Variants in SDC4 observed in about 807,000 individuals in gnomAD.
SDC4 encodes the protein syndecan-4.
Under a neutral mutation model 20.5 loss-of-function variants are expected in SDC4, and 17 were observed. The observed-to-expected ratio is 0.83, with a 90% CI of 0.57 to 1.25. The LOEUF is 1.25. Ranked by LOEUF, SDC4 falls within the 50% of genes most tolerant of loss-of-function variation. The pLI, the probability that SDC4 is intolerant of heterozygous loss-of-function variation, is 0.00. For synonymous variants in SDC4, 107 were observed against 105.3 expected, an observed-to-expected ratio of 1.02 and a Z score of -0.10; for missense variants, 241 against 252.3, an observed-to-expected ratio of 0.96 and a Z score of 0.30.
intron 1 of SDC4, among the ~76,000 whole-genome samples, chr20:45,343,875 C>T (rs555054948): frequency 6.6e-6 from 1 of 152,310 alleles, no homozygotes; most frequent in South Asian, 2.1e-4. Flanking sequence ...TTCGCCACAC[C>T]GGTATCATGA....
chr20:45,343,659 C>T (rs1308716632), intron 1 of SDC4, among the ~76,000 whole-genome samples: 1 of 152,196 alleles, frequency 6.6e-6, no homozygotes, highest in Admixed American at 6.5e-5. Context: ...TCTCCCTTCC[C>T]ACCTCCCAGC....
intron 3 of SDC4, among the ~76,000 whole-genome samples, chr20:45,332,486 T>A (rs570985656): frequency 1.3e-5 from 2 of 152,132 alleles, no homozygotes; most frequent in Non-Finnish European, 2.9e-5. Flanking sequence ...CTATCAATGC[T>A]AGGAAATAGC....
chr20:45,326,281 G>T lies in SDC4; in HGVS notation c.*983C>A, dbSNP rs978298679. On this transcript the variant is annotated 3_prime_UTR_variant, in exon 5 of 5. Coordinates refer to ENST00000372733, the MANE Select transcript of SDC4 (RefSeq NM_002999.4). ...CTTCAGAAAGGGCCAAGGCCATGAG[G>T]AGCGGGGTTTAAAGTATAAAAAAAA... is the stretch of plus-strand genomic sequence containing the variant. 11 of 142,488 alleles carry T rather than the reference G, an allele frequency of 7.7e-5. No homozygotes were observed. Among genetic ancestry groups the T allele is most frequent in the African/African-American group, 2.6e-4 (10 of 38,484 alleles). The allele number at this position is 142,488 out of a possible 1,614,324, so 8.8% of individuals were successfully genotyped here.
At chr20:45,348,244 C>CA (rs1378880840) in intron 1 of SDC4, 81 bp downstream of exon 1, 5 of 1,173,982 alleles carry the variant, frequency 4.3e-6, no homozygotes, top group Admixed American at 2.0e-5. Context: ...TGCCCCCCCC[C>CA]ATCCCACGCT....
intron 3 of SDC4, among the ~76,000 whole-genome samples, chr20:45,331,170 G>C (rs981522463): frequency 6.6e-6 from 1 of 152,108 alleles, no homozygotes; most frequent in Non-Finnish European, 1.5e-5. Context: ...GGAGACTCCC[G>C]AATCAAAGGA....
At chr20:45,344,507 G>T (rs1269329493) in intron 1 of SDC4, among the ~76,000 whole-genome samples, 1 of 152,210 alleles carries the variant, frequency 6.6e-6, no homozygotes, top group Non-Finnish European at 1.5e-5. Flanking sequence ...ACACTCGCCT[G>T]TCCAGTCCGG....
chr20:45,338,412 C>T (rs1488766894), intron 1 of SDC4, among the ~76,000 whole-genome samples: 1 of 152,170 alleles, frequency 6.6e-6, no homozygotes, highest in Non-Finnish European at 1.5e-5. Flanking sequence ...ACACTTTGGC[C>T]AGCTGTTGAC....
At position 45,327,233 on chromosome 20, in the gene SDC4, T is replaced by C. The variant is rs1474075364; in HGVS notation, c.*31A>G. The C allele has an allele frequency of 6.2e-7, 1 of 1,612,238 alleles. No individual in the cohort carries two copies. The highest frequency in any genetic ancestry group is 1.3e-5 in the African/African-American group (1 of 74,870). On this transcript the variant is annotated 3_prime_UTR_variant, in exon 5 of 5. Coordinates refer to ENST00000372733, the MANE Select transcript of SDC4 (RefSeq NM_002999.4). ...AAAATCCCCTGGCTTCCCTCCCCGC[T>C]AAAGTCCAAGCCAGTGCCCACAAGC...
rs368169307 is a variant in SDC4 at position 45,344,837 on chromosome 20, G to A, written c.60+3488C>T. Among the ~76,000 whole-genome samples, 79 of 152,310 alleles carry A rather than the reference G, an allele frequency of 5.2e-4. No individual in the cohort carries two copies. In the South Asian group the frequency reaches 0.016, roughly 31 times the overall value. Reference sequence around the variant, plus strand: ...TCCTTATTTTAGAGTTGGGGACACTGAGACCCAGAGACAGGGCATGTTTGC... The same window carrying A: ...TCCTTATTTTAGAGTTGGGGACACTAAGACCCAGAGACAGGGCATGTTTGC... On this transcript the variant is annotated intron_variant, in intron 1 of 4. Coordinates refer to ENST00000372733, the MANE Select transcript of SDC4 (RefSeq NM_002999.4).
intron 2 of SDC4, among the ~76,000 whole-genome samples, chr20:45,334,406 A>C (rs1987829796): frequency 6.6e-6 from 1 of 152,214 alleles, no homozygotes; most frequent in Non-Finnish European, 1.5e-5. Context: ...TGGATATATT[A>C]CTTAACTCCA....
chr20:45,326,389 A>T lies in SDC4; in HGVS notation c.*875T>A. On this transcript the variant is annotated 3_prime_UTR_variant, in exon 5 of 5. Transcript: ENST00000372733. ...TATCTAAAGCTATAAATAGTAAAAA[A>T]AAAAAAAAAAAAAAAAAATTAATAA... is the stretch of plus-strand genomic sequence containing the variant. 1 of 133,266 alleles carries T rather than the reference A, an allele frequency of 7.5e-6. No individual in the cohort carries two copies. The highest frequency in any genetic ancestry group is 8.6e-5 in the Admixed American group (1 of 11,568). The allele number at this position is 133,266 out of a possible 1,614,324, so 8.3% of individuals were successfully genotyped here. A position where few individuals can be genotyped will look rare whatever the true frequency, so the allele number is the denominator to read the frequency against.
At chr20:45,335,979 G>A in intron 1 of SDC4, 59 bp from the exon 2 acceptor site, 1 of 1,574,018 alleles carries the variant, frequency 6.4e-7, no homozygotes, top group Non-Finnish European at 8.6e-7. Context: ...GACAGCTGAT[G>A]CCCAAAAGCT....
Position 45,327,287 on chromosome 20 carries a change from GGGCT to G in SDC4, c.570_573del (p.Lys190AsnfsTer28). The G allele has an allele frequency of 1.2e-6, 2 of 1,614,166 alleles. No homozygotes were observed. Among genetic ancestry groups the G allele is most frequent in the Non-Finnish European group, 1.7e-6 (2 of 1,180,042 alleles). On this transcript the variant is annotated frameshift_variant, in exon 5 of 5. Transcript: ENST00000372733. LOFTEE classifies it high-confidence loss of function. Reference sequence around the variant, plus strand: ...CTTCACGCGTAGAACTCATTGGTGGGGGCTTTCTTGTAGATGGGTTTCTTGCCCA... The same window carrying G: ...CTTCACGCGTAGAACTCATTGGTGGGTTCTTGTAGATGGGTTTCTTGCCCA...
intron 1 of SDC4, among the ~76,000 whole-genome samples, chr20:45,339,186 C>T (rs760383175): frequency 7.3e-4 from 111 of 152,348 alleles, no homozygotes; most frequent in Non-Finnish European, 9.6e-4. Context: ...AAGGCACCAA[C>T]GGTCCTCCTC....
At chr20:45,345,226 G>A (rs1027771330) in intron 1 of SDC4, 25 of 152,190 alleles carry the variant, frequency 1.6e-4, no homozygotes, top group African/African-American at 5.8e-4. Context: ...TCAGTGTGCG[G>A]GGGGAGAGAG....
chr20:45,341,896 A>G (rs1449041264), intron 1 of SDC4, among the ~76,000 whole-genome samples: 2 of 152,176 alleles, frequency 1.3e-5, no homozygotes, highest in African/African-American at 4.8e-5. Context: ...TCCCTGGATG[A>G]TCGTGGACAA....
At chr20:45,342,324 G>C (rs2145716475) in intron 1 of SDC4, among the ~76,000 whole-genome samples, 1 of 152,322 alleles carries the variant, frequency 6.6e-6, no homozygotes, top group East Asian at 1.9e-4. Context: ...GGCTCCGGCA[G>C]GGCTTCTCCA....
chr20:45,330,111 G>A (rs1338099557), intron 4 of SDC4, among the ~76,000 whole-genome samples: 1 of 152,204 alleles, frequency 6.6e-6, no homozygotes, highest in Non-Finnish European at 1.5e-5. Flanking sequence ...AAAGACTTAA[G>A]GCAGAAGAAT....
chr20:45,326,383 T>TAAAAAAAAAAAA lies in SDC4; in HGVS notation c.*869_*880dup, dbSNP rs35186241. 5 of 97,702 alleles carry TAAAAAAAAAAAA rather than the reference T, an allele frequency of 5.1e-5. No individual in the cohort carries two copies. Among genetic ancestry groups the TAAAAAAAAAAAA allele is most frequent in the East Asian group, 2.7e-4 (1 of 3,680 alleles). 6.1% of individuals were successfully genotyped at this position (97,702 alleles called of 1,614,324 possible). A position where few individuals can be genotyped will look rare whatever the true frequency, so the allele number is the denominator to read the frequency against. Reference sequence around the variant, plus strand: ...AGGCCCTATCTAAAGCTATAAATAGTAAAAAAAAAAAAAAAAAAAAAAAAT... The same window carrying TAAAAAAAAAAAA: ...AGGCCCTATCTAAAGCTATAAATAGTAAAAAAAAAAAAAAAAAAAAAAAAAAAAAAAAAAAAT... On this transcript the variant is annotated 3_prime_UTR_variant, in exon 5 of 5. Transcript: ENST00000372733.
Sources: allele counts gnomAD v4.1 joint callset (sites outside exome capture counted in the v4.1 genomes callset), GRCh38; gene constraint gnomAD v4.1.1; transcripts MANE v1.5; gene names NCBI Gene and HGNC (gene_info 2026-07-23, HGNC 2026-07-21).